SLC25A24: variants seen among roughly 807,000 people sequenced by gnomAD.
SLC25A24 encodes the protein mitochondrial adenyl nucleotide antiporter SLC25A24.
In SLC25A24, 49 loss-of-function variants were observed where a neutral mutation model predicts 60.7. The ratio of observed to expected loss-of-function variants is 0.81; its 90% CI spans 0.64 to 1.02. The LOEUF is 1.02. Ranked by LOEUF, SLC25A24 falls within the 50% of genes least tolerant of loss-of-function variation. The probability of loss-of-function intolerance (pLI) is 0.00; values close to 1 mark genes in which losing one functional copy is unlikely to be tolerated. For missense variants in SLC25A24, 564 were observed against 586.3 expected (o/e 0.96, Z 0.39); for synonymous variants, 202 against 200.6 (o/e 1.01, Z -0.06).
intron 3 of SLC25A24, among the ~76,000 whole-genome samples, chr1:108,177,975 C>T (rs986573515): frequency 2.0e-5 from 3 of 151,834 alleles, no homozygotes; most frequent in Non-Finnish European, 4.4e-5. Context: ...CCATCCTGGC[C>T]AACATGGTGA....
chr1:108,164,981 T>C (rs1680203260), intron 3 of SLC25A24, among the ~76,000 whole-genome samples: 1 of 144,734 alleles, frequency 6.9e-6, no homozygotes, highest in South Asian at 2.2e-4. Flanking sequence ...CCAGAGATTC[T>C]GGTATGTTGT....
chr1:108,137,568 C>T (rs966819591), intron 9 of SLC25A24, among the ~76,000 whole-genome samples: 1 of 152,188 alleles, frequency 6.6e-6, no homozygotes, highest in Non-Finnish European at 1.5e-5. Context: ...GGAACTGACA[C>T]CGAAAGGCTG....
rs1679374296 is a variant in SLC25A24, at chr1:108,139,137, T to A, written c.1170A>T (p.Gly390=). 1.2e-6 allele frequency: 2 copies of A among 1,611,618 alleles called. No individual in the cohort carries two copies. Among genetic ancestry groups the A allele is most frequent in the South Asian group, 1.1e-5 (1 of 90,344 alleles). The change falls in exon 9 of 10, where the codon GGA becomes GGT. Residue 390 remains glycine, a synonymous_variant. Coordinates refer to ENST00000565488, the MANE Select transcript of SLC25A24 (RefSeq NM_013386.5). ...CACAGGTGCTGGATAAGGCACCGCA[T>A]CCCAGCAACACCATGACTCCAGGGT... The part of the protein sequence containing the change: ...SVNPGVMVLL[G]CGALSSTCGQ...
At chr1:108,166,672 G>C (rs1475150614) in intron 3 of SLC25A24, among the ~76,000 whole-genome samples, 6 of 151,744 alleles carry the variant, frequency 4.0e-5, no homozygotes, top group Non-Finnish European at 8.8e-5. Context: ...TCTCTGTATT[G>C]GTTATTCTAG....
chr1:108,138,679 A>G (rs1679357461), intron 9 of SLC25A24, among the ~76,000 whole-genome samples: 1 of 152,174 alleles, frequency 6.6e-6, no homozygotes, highest in Admixed American at 6.5e-5. Flanking sequence ...AATTCTTACA[A>G]CACTGTACAA....
intron 3 of SLC25A24, among the ~76,000 whole-genome samples, chr1:108,174,208 A>C (rs1209683573): frequency 6.6e-6 from 1 of 152,120 alleles, no homozygotes; most frequent in Non-Finnish European, 1.5e-5. Flanking sequence ...GCCCAGGAGG[A>C]AAAAATGGTT....
At chr1:108,188,924 A>C (rs1648246251) in intron 1 of SLC25A24, among the ~76,000 whole-genome samples, 1 of 152,168 alleles carries the variant, frequency 6.6e-6, no homozygotes, top group Admixed American at 6.5e-5. Context: ...CTGTAACATC[A>C]CCAAGTTAGT....
Position 108,200,086 on chromosome 1 carries a change from G to A in SLC25A24, c.53C>T (p.Ala18Val), listed in dbSNP as rs774084019. The A allele has an allele frequency of 1.5e-5, 24 of 1,582,056 alleles. No homozygotes were observed. Among genetic ancestry groups the A allele is most frequent in the Non-Finnish European group, 1.8e-5 (21 of 1,164,852 alleles). ...GGTCTCGTAGCGCGTCGGCTGCTCC[G>A]CGTCCTGGCAGGCCGCGGTGGGCAG... ...FVLPTAACQD[A>V]EQPTRYETLF... The change falls in exon 1 of 10, where the codon GCG (alanine) becomes GTG (valine). Residue 18 changes from alanine to valine, a missense_variant. Coordinates refer to ENST00000565488, the MANE Select transcript of SLC25A24 (RefSeq NM_013386.5).
intron 4 of SLC25A24, among the ~76,000 whole-genome samples, chr1:108,160,811 G>A (rs1057108638): frequency 1.3e-5 from 2 of 152,206 alleles, no homozygotes; most frequent in African/African-American, 2.4e-5. Context: ...ACAGTCAGGC[G>A]TGGCGGTGCG....
intron 3 of SLC25A24, among the ~76,000 whole-genome samples, chr1:108,180,620 CTCTCTCTCTCTCTCTCTCTCTCTCTCT>C (rs1647887496): frequency 3.8e-5 from 5 of 131,930 alleles, no homozygotes; most frequent in Non-Finnish European, 8.3e-5. Flanking sequence ...AGAAAGATCT[CTCTCTCTCTCTCTCTCTCTCTCTCTCT>C]CTCTCTCTCT....
At chr1:108,150,449 C>G (rs1679725954) in intron 6 of SLC25A24, among the ~76,000 whole-genome samples, 1 of 152,186 alleles carries the variant, frequency 6.6e-6, no homozygotes, top group Admixed American at 6.5e-5. Context: ...GCCCTCAAAA[C>G]CACCCTGAAA....
At chr1:108,176,681 T>G (rs1013319437) in intron 3 of SLC25A24, among the ~76,000 whole-genome samples, 1 of 152,152 alleles carries the variant, frequency 6.6e-6, no homozygotes, top group Non-Finnish European at 1.5e-5. Flanking sequence ...GGAAACAGAC[T>G]GGTCAGCAGA....
Position 108,154,982 on chromosome 1 carries a change from C to T in SLC25A24, c.822+1G>A, listed in dbSNP as rs1048734028. The T allele has an allele frequency of 6.2e-7, 1 of 1,604,218 alleles. No individual in the cohort carries two copies. Among genetic ancestry groups the T allele is most frequent in the African/African-American group, 1.3e-5 (1 of 74,560 alleles). On this transcript the variant is annotated splice_donor_variant, in intron 6 of 9. Transcript: ENST00000565488. LOFTEE classifies it high-confidence loss of function. ...TAAATTCCACGGGTGATAACAATTA[C>T]CTGTTCATATGCCCAGAATTTAACA...
chr1:108,141,017 A>G (rs956494563), intron 8 of SLC25A24, among the ~76,000 whole-genome samples: 20 of 152,316 alleles, frequency 1.3e-4, no homozygotes, highest in Middle Eastern at 6.8e-3. Flanking sequence ...AATAACACAT[A>G]CAGAATCAAC....
intron 1 of SLC25A24, among the ~76,000 whole-genome samples, chr1:108,196,002 G>GAA (rs374038234): frequency 8.5e-5 from 9 of 106,208 alleles, no homozygotes; most frequent in East Asian, 7.5e-4. Context: ...TCTGTCTCCA[G>GAA]AAAAAAAAAA....
chr1:108,143,707 T>A lies in SLC25A24; in HGVS notation c.934A>T (p.Met312Leu). Residue 312 changes from methionine to leucine, a missense_variant, in exon 8 of 10, where the codon ATG (methionine) becomes TTG (leucine). Physicochemically the swap from Met to Leu is conservative, Grantham distance 15. Coordinates refer to ENST00000565488, the MANE Select transcript of SLC25A24 (RefSeq NM_013386.5). ...TTGCCTACAGCCAGCCTGGTTTTCA[T>A]AACCTGGATATAAAAAAAAACAAAA... ...AQTFIYPMEVMKTRLAVGKTG... is the reference protein window; with the variant it reads ...AQTFIYPMEVLKTRLAVGKTG... 6.2e-7 allele frequency: 1 copy of A among 1,603,714 alleles called. No homozygotes were observed. Among genetic ancestry groups the A allele is most frequent in the South Asian group, 1.1e-5 (1 of 88,630 alleles).
intron 3 of SLC25A24, among the ~76,000 whole-genome samples, chr1:108,164,929 T>C (rs1047747677): frequency 4.4e-5 from 6 of 137,402 alleles, no homozygotes; most frequent in Admixed American, 7.4e-5. Context: ...TGTGGGCATT[T>C]AGTGCTATAA....
intron 1 of SLC25A24, among the ~76,000 whole-genome samples, chr1:108,194,698 A>G (rs1648439980): frequency 6.6e-6 from 1 of 152,172 alleles, no homozygotes; most frequent in Admixed American, 6.5e-5. Context: ...TACTTACTAT[A>G]GGGAGGGTTT....
chr1:108,139,176 T>C lies in SLC25A24; in HGVS notation c.1131A>G (p.Ala377=), dbSNP rs748066511. The change falls in exon 9 of 10, where the codon GCA becomes GCG. Residue 377 remains alanine (A), a synonymous_variant. Coordinates refer to ENST00000565488, the MANE Select transcript of SLC25A24 (RefSeq NM_013386.5). The part of the protein sequence containing the change: ...LLKSYWLDNF[A]KDSVNPGVMV... ...TGACTCCAGGGTTTACAGAATCTTTTGCAAAATTATCCAGCCAATAGGACT... is the reference window on the plus strand; with the variant it reads ...TGACTCCAGGGTTTACAGAATCTTTCGCAAAATTATCCAGCCAATAGGACT... 1.9e-6 allele frequency: 3 copies of C among 1,607,932 alleles called. No homozygotes were observed. Among genetic ancestry groups the C allele is most frequent in the South Asian group, 1.1e-5 (1 of 89,430 alleles).
Sources: gnomAD v4.1 joint callset for allele counts (sites outside exome capture counted in the v4.1 genomes callset) on GRCh38, gnomAD v4.1.1 for gene constraint, MANE v1.5 for transcripts, NCBI Gene and HGNC (gene_info 2026-07-23, HGNC 2026-07-21) for gene names.